The following CSMD2 variants were observed in gnomAD, a reference collection of about 807,000 sequenced individuals.
The protein encoded by CSMD2 is CUB and sushi domain-containing protein 2.
In CSMD2, 130 loss-of-function variants were observed where a neutral mutation model predicts 398.5. That is an observed-to-expected ratio of 0.33 (90% CI 0.28 to 0.38). The LOEUF (loss-of-function observed/expected upper bound fraction) is 0.38. Ranked by LOEUF, CSMD2 falls within the 10% of genes least tolerant of loss-of-function variation. CSMD2 has a pLI of 1.00. For synonymous variants in CSMD2, 1,828 were observed against 1,908.5 expected (o/e 0.96, Z 1.10); for missense variants, 3,829 against 4,764.9 (o/e 0.80, Z 5.78).
intron 2 of CSMD2, among the ~76,000 whole-genome samples, chr1:34,069,789 C>A (rs867257607): frequency 6.6e-6 from 1 of 152,296 alleles, no homozygotes; most frequent in South Asian, 2.1e-4. Flanking sequence ...GAAAGGGGAC[C>A]TTTTCTGCAG....
At chr1:33,985,729 C>T (rs934018895) in intron 3 of CSMD2, among the ~76,000 whole-genome samples, 3 of 152,150 alleles carry the variant, frequency 2.0e-5, no homozygotes, top group Non-Finnish European at 4.4e-5. Flanking sequence ...CCTTTGTTTT[C>T]CCTGGCTGGA....
At chr1:34,012,992 C>G (rs1446120488) in intron 3 of CSMD2, among the ~76,000 whole-genome samples, 1 of 152,138 alleles carries the variant, frequency 6.6e-6, no homozygotes, top group Admixed American at 6.5e-5. Context: ...TTTTTGTGAA[C>G]CAACGATTAG....
chr1:33,855,717 G>C (rs1237110493), intron 5 of CSMD2, among the ~76,000 whole-genome samples: 1 of 152,138 alleles, frequency 6.6e-6, no homozygotes, highest in African/African-American at 2.4e-5. Flanking sequence ...AGGACTGGCA[G>C]CCTCCATGCT....
chr1:33,517,932 C>CT (rs1653910390), intron 70 of CSMD2, among the ~76,000 whole-genome samples: 1 of 152,390 alleles, frequency 6.6e-6, no homozygotes, highest in East Asian at 1.9e-4. Context: ...TGTTGGTGGC[C>CT]TTTGCAGGCA....
At chr1:33,527,141 C>G (rs1357707473) in intron 65 of CSMD2, 55 bp downstream of exon 65, 2 of 1,485,792 alleles carry the variant, frequency 1.3e-6, no homozygotes, top group Non-Finnish European at 1.9e-6. Context: ...TTCTGGCTAA[C>G]TGTGTGAAAA....
At chr1:34,021,557 T>C (rs773148846) in intron 3 of CSMD2, among the ~76,000 whole-genome samples, 9 of 152,164 alleles carry the variant, frequency 5.9e-5, no homozygotes, top group African/African-American at 2.2e-4. Context: ...TGGGCCCCCC[T>C]GCCTTGAGCA....
Position 34,161,623 on chromosome 1 carries a change from C to A in CSMD2, c.187+3288G>T, listed in dbSNP as rs557525297. ...GATAAAAGAAAATAAAGATAAAGTA[C>A]AATGTATTTGGCAATTGAGGTGGTC... is the stretch of plus-strand genomic sequence containing the variant. On this transcript the variant is annotated intron_variant, in intron 1 of 70. Transcript: ENST00000373381. 1.4e-4 allele frequency among the ~76,000 whole-genome samples: 22 copies of A among 152,128 alleles called. 1 individual carries two copies. The highest frequency in any genetic ancestry group is 3.4e-4 in the African/African-American group (14 of 41,428).
At chr1:33,940,616 A>C (rs151077793) in intron 3 of CSMD2, among the ~76,000 whole-genome samples, 56 of 152,272 alleles carry the variant, frequency 3.7e-4, no homozygotes, top group African/African-American at 1.3e-3. Flanking sequence ...AAACAACTAG[A>C]AAATGGCAGA....
At chr1:33,700,751 C>T in intron 22 of CSMD2, 78 bp from the exon 23 acceptor site, 1 of 1,454,350 alleles carries the variant, frequency 6.9e-7, no homozygotes. Context: ...CCCCACAACC[C>T]ACACTCCTGG....
chr1:33,845,551 T>C (rs999912466), intron 6 of CSMD2, among the ~76,000 whole-genome samples: 1 of 152,230 alleles, frequency 6.6e-6, no homozygotes, highest in African/African-American at 2.4e-5. Context: ...ATAGCATTCA[T>C]CTCTGCTTTT....
At chr1:33,968,344 C>A (rs1645636056) in intron 3 of CSMD2, among the ~76,000 whole-genome samples, 1 of 152,224 alleles carries the variant, frequency 6.6e-6, no homozygotes, top group Non-Finnish European at 1.5e-5. Context: ...TCCCAACAAT[C>A]CTCTAGCATC....
intron 64 of CSMD2, among the ~76,000 whole-genome samples, chr1:33,529,711 A>G (rs1457155062): frequency 6.6e-6 from 1 of 152,220 alleles, no homozygotes; most frequent in Non-Finnish European, 1.5e-5. Context: ...AATCTTTGTG[A>G]CCTTGGATGT....
At chr1:33,712,805 C>T (rs1163622255) in intron 21 of CSMD2, among the ~76,000 whole-genome samples, 3 of 151,876 alleles carry the variant, frequency 2.0e-5, no homozygotes, top group Admixed American at 6.6e-5. Flanking sequence ...GGGTGGGTGG[C>T]GGGGTTCTAT....
Position 33,624,987 on chromosome 1 carries a change from C to T in CSMD2, c.5500+64G>A. 1 of 1,514,264 alleles carries T rather than the reference C, an allele frequency of 6.6e-7. No individual in the cohort carries two copies. Among genetic ancestry groups the T allele is most frequent in the Non-Finnish European group, 9.2e-7 (1 of 1,092,580 alleles). 93.8% of individuals were successfully genotyped at this position (1,514,264 alleles called of 1,614,324 possible). ...GGGCATCACTGGGGCTGACTGCCTC[C>T]CCTACAGAGAAAGGACTACGTGCCG... On this transcript the variant is annotated intron_variant, in intron 34 of 70. Transcript: ENST00000373381. This position sits in a 1 kb window ranked among gnomAD's most constrained non-coding sequence, Gnocchi z 4.7.
rs182878419 is a variant in CSMD2, at chr1:34,115,840, C to T, written c.188-26647G>A. 4.0e-4 allele frequency among the ~76,000 whole-genome samples: 60 copies of T among 151,808 alleles called. No homozygotes were observed. In the East Asian group the frequency reaches 0.011, roughly 28 times the overall value. ...TGTAGGGAGAAAGAAGGTGTAATAG[C>T]GTGAAGTTTTTATATGCAACTGAGG... On this transcript the variant is annotated intron_variant, in intron 1 of 70. Transcript: ENST00000373381.
chr1:33,678,093 A>C (rs576423835), intron 25 of CSMD2, among the ~76,000 whole-genome samples: 1 of 151,764 alleles, frequency 6.6e-6, no homozygotes, highest in East Asian at 1.9e-4. Context: ...ATATACCCTA[A>C]AACTTAAAGT....
chr1:33,884,705 T>C (rs1301980315), intron 5 of CSMD2: 1 of 152,324 alleles, frequency 6.6e-6, no homozygotes, highest in African/African-American at 2.4e-5. Flanking sequence ...GTTACTCCCC[T>C]GCTGTAAACC....
At chr1:34,015,879 C>G (rs907461966) in intron 3 of CSMD2, among the ~76,000 whole-genome samples, 1 of 152,138 alleles carries the variant, frequency 6.6e-6, no homozygotes, top group Non-Finnish European at 1.5e-5. Context: ...AATAAATCTT[C>G]AGCAGGAAAA....
At chr1:33,690,575 G>A (rs1241691046) in intron 25 of CSMD2, among the ~76,000 whole-genome samples, 2 of 152,202 alleles carry the variant, frequency 1.3e-5, no homozygotes, top group African/African-American at 4.8e-5. Flanking sequence ...GGGAATGAAT[G>A]CATCAATGAA....
Sources: gnomAD v4.1 joint callset for allele counts (sites outside exome capture counted in the v4.1 genomes callset) on GRCh38, gnomAD v4.1.1 for gene constraint, Gnocchi (gnomAD v3.1) non-coding constraint, MANE v1.5 for transcripts, NCBI Gene and HGNC (gene_info 2026-07-23, HGNC 2026-07-21) for gene names.